FHIT: variants seen among roughly 807,000 people sequenced by gnomAD.
FHIT encodes bis(5'-adenosyl)-triphosphatase.
Under a neutral mutation model 17.9 loss-of-function variants are expected in FHIT, and 19 were observed. That is an observed-to-expected ratio of 1.06 (90% CI 0.74 to 1.56). FHIT has a LOEUF of 1.56. Among genes scored for constraint, FHIT ranks in the 40% most tolerant of loss-of-function variants. FHIT has a pLI of 0.00. For synonymous variants in FHIT, 81 were observed against 69.7 expected (o/e 1.16, Z -0.81); for missense variants, 248 against 189.2 (o/e 1.31, Z -1.82).
chr3:60,788,881 T>G (rs1390700902), intron 4 of FHIT, among the ~76,000 whole-genome samples: 1 of 152,062 alleles, frequency 6.6e-6, no homozygotes, highest in Non-Finnish European at 1.5e-5. Context: ...TCAATTTTAC[T>G]TCAAATGTTT....
chr3:60,079,917 C>T (rs1167220818), intron 5 of FHIT, among the ~76,000 whole-genome samples: 3 of 151,926 alleles, frequency 2.0e-5, no homozygotes, highest in African/African-American at 7.3e-5. Flanking sequence ...TAAAAAGGTA[C>T]AGTAAAGATG....
chr3:60,608,354 T>A (rs2107726628), intron 4 of FHIT, among the ~76,000 whole-genome samples: 1 of 152,256 alleles, frequency 6.6e-6, no homozygotes, highest in African/African-American at 2.4e-5. Flanking sequence ...CTATGGCTGT[T>A]CTGGACTGTT....
chr3:60,174,496 T>C (rs1300390275), intron 5 of FHIT, among the ~76,000 whole-genome samples: 1 of 152,200 alleles, frequency 6.6e-6, no homozygotes, highest in Non-Finnish European at 1.5e-5. Flanking sequence ...TTGGCCTTTC[T>C]AACTGGAAAA....
At chr3:60,627,305 G>A (rs72872709) in intron 4 of FHIT, among the ~76,000 whole-genome samples, 1,663 of 151,988 alleles carry the variant, frequency 0.011, 38 homozygotes, top group African/African-American at 0.039. Context: ...TTTATTTGTG[G>A]GTAGTTTTTT....
At chr3:60,501,547 T>C (rs551046304) in intron 5 of FHIT, among the ~76,000 whole-genome samples, 91 of 152,280 alleles carry the variant, frequency 6.0e-4, no homozygotes, top group African/African-American at 2.0e-3. Context: ...TCACAATTAT[T>C]TGGGAGTGGC....
At chr3:60,199,865 G>A (rs1005484223) in intron 5 of FHIT, among the ~76,000 whole-genome samples, 8 of 152,066 alleles carry the variant, frequency 5.3e-5, no homozygotes, top group African/African-American at 1.9e-4. Flanking sequence ...GTTTCAAACT[G>A]GGGGTGTCAA....
At chr3:60,151,559 T>C (rs1337108545) in intron 5 of FHIT, among the ~76,000 whole-genome samples, 2 of 152,166 alleles carry the variant, frequency 1.3e-5, no homozygotes, top group Admixed American at 1.3e-4. Flanking sequence ...TACCGTGACT[T>C]ACAAGGTCTT....
rs1703140567 is a variant in FHIT, at chr3:59,875,958, A to AAAAAAAAAAG, written c.348+46378_348+46387dup. On this transcript the variant is annotated intron_variant, in intron 8 of 9. Coordinates refer to ENST00000492590, the MANE Select transcript of FHIT (RefSeq NM_002012.4). ...TTTGATAAAAAAAGAAAAAAAAAAG[A>AAAAAAAAAAG]AAAAAAAAAGATTTTAGTTCAAGAA... 7.0e-5 allele frequency among the ~76,000 whole-genome samples: 4 copies of AAAAAAAAAAG among 56,974 alleles called. No individual in the cohort carries two copies. In the East Asian group the frequency reaches 2.9e-3, roughly 41 times the overall value. The allele number at this position is 56,974 out of a possible 152,430, so 37.4% of individuals were successfully genotyped here. A position where few individuals can be genotyped will look rare whatever the true frequency, so the allele number is the denominator to read the frequency against.
At chr3:60,086,012 C>A (rs1703478348) in intron 5 of FHIT, among the ~76,000 whole-genome samples, 1 of 152,294 alleles carries the variant, frequency 6.6e-6, no homozygotes, top group South Asian at 2.1e-4. Context: ...GCTCATGATT[C>A]TGATGGCTGG....
At chr3:60,240,219 G>A (rs1165771416) in intron 5 of FHIT, among the ~76,000 whole-genome samples, 8 of 152,232 alleles carry the variant, frequency 5.3e-5, no homozygotes. Flanking sequence ...CCATTGGACT[G>A]CTTTCTGATT....
rs1491201051 is a variant in FHIT, at chr3:60,522,107, T to TTG, written c.103+14752_103+14753insCA. On this transcript the variant is annotated intron_variant, in intron 5 of 9. Transcript: ENST00000492590. Reference sequence around the variant, plus strand: ...AAGAAACAGCAACAGCAACCAGAAGTTTTTTTTTTTTTTTTTTCTGACACA... The same window carrying TTG: ...AAGAAACAGCAACAGCAACCAGAAGTTGTTTTTTTTTTTTTTTTTCTGACACA... 8.8e-4 allele frequency among the ~76,000 whole-genome samples: 6 copies of TTG among 6,800 alleles called. No individual in the cohort carries two copies. In the Non-Finnish European group the frequency reaches 0.014, roughly 16 times the overall value. 4.5% of individuals were successfully genotyped at this position (6,800 alleles called of 152,430 possible).
chr3:60,980,053 A>T (rs1710428451), intron 3 of FHIT, among the ~76,000 whole-genome samples: 1 of 152,214 alleles, frequency 6.6e-6, no homozygotes, highest in African/African-American at 2.4e-5. Flanking sequence ...GTTATCTCAA[A>T]TTCATCTACT....
At chr3:60,440,975 A>C (rs2107327739) in intron 5 of FHIT, among the ~76,000 whole-genome samples, 1 of 152,240 alleles carries the variant, frequency 6.6e-6, no homozygotes, top group African/African-American at 2.4e-5. Context: ...TGTATTATGA[A>C]CTTGTGTGAT....
Position 60,955,617 on chromosome 3 carries a change from T to TATACATATATATATATAC in FHIT, c.-111+86429_-111+86430insGTATATATATATATGTAT, listed in dbSNP as rs1709103652. On this transcript the variant is annotated intron_variant, in intron 3 of 9. Coordinates refer to ENST00000492590, the MANE Select transcript of FHIT (RefSeq NM_002012.4). ...ATATACATATATATATATATATATATATATATATATATATATACACACACA... is the reference window on the plus strand; with the variant it reads ...ATATACATATATATATATATATATATATACATATATATATATACATATATATATATATATACACACACA... Among the ~76,000 whole-genome samples, 22 of 13,868 alleles carry TATACATATATATATATAC rather than the reference T, an allele frequency of 1.6e-3. No homozygotes were observed. In the South Asian group the frequency reaches 0.018, roughly 11 times the overall value. 9.1% of individuals were successfully genotyped at this position (13,868 alleles called of 152,430 possible). A position where few individuals can be genotyped will look rare whatever the true frequency, so the allele number is the denominator to read the frequency against.
intron 5 of FHIT, among the ~76,000 whole-genome samples, chr3:60,088,159 T>C (rs1440681311): frequency 6.6e-6 from 1 of 152,058 alleles, no homozygotes; most frequent in African/African-American, 2.4e-5. Context: ...AACAATTAGT[T>C]CCCTTGGGAA....
Position 60,179,001 on chromosome 3 carries a change from G to C in FHIT, c.104-164849C>G, listed in dbSNP as rs1038965903. Among the ~76,000 whole-genome samples, 3 of 151,998 alleles carry C rather than the reference G, an allele frequency of 2.0e-5. No individual in the cohort carries two copies. The South Asian group carries it at 6.2e-4, about 32-fold the overall frequency. On this transcript the variant is annotated intron_variant, in intron 5 of 9. Coordinates refer to ENST00000492590, the MANE Select transcript of FHIT (RefSeq NM_002012.4). Reference sequence around the variant, plus strand: ...AAAATATACTTCAAGAAATACTGAGGGGCCCCTTAATTACACTATAAGACT... The same window carrying C: ...AAAATATACTTCAAGAAATACTGAGCGGCCCCTTAATTACACTATAAGACT...
chr3:60,219,079 T>C (rs980751476), intron 5 of FHIT, among the ~76,000 whole-genome samples: 6 of 152,144 alleles, frequency 3.9e-5, no homozygotes, highest in African/African-American at 1.4e-4. Flanking sequence ...ATTTAGAAGT[T>C]AATATTGTTT....
intron 1 of FHIT, among the ~76,000 whole-genome samples, chr3:61,214,223 T>C (rs1386428822): frequency 6.6e-6 from 1 of 151,560 alleles, no homozygotes. Context: ...CAGGAGCTGG[T>C]TTTTTGAAAG....
At chr3:60,022,526 T>G (rs1340723826) in intron 5 of FHIT, among the ~76,000 whole-genome samples, 1 of 152,156 alleles carries the variant, frequency 6.6e-6, no homozygotes, top group Non-Finnish European at 1.5e-5. Flanking sequence ...TGCTTTGCAA[T>G]GGTAGCTGCT....
Sources: allele counts gnomAD v4.1 joint callset (sites outside exome capture counted in the v4.1 genomes callset), GRCh38; gene constraint gnomAD v4.1.1; transcripts MANE v1.5; gene names NCBI Gene and HGNC (gene_info 2026-07-23, HGNC 2026-07-21).